Variants in FAM13A observed in about 807,000 individuals in gnomAD.
FAM13A encodes the protein protein FAM13A.
FAM13A carries 76 observed loss-of-function variants against 129.6 expected under a neutral mutation model. That is an observed-to-expected ratio of 0.59 (90% confidence interval 0.49 to 0.71). FAM13A has a LOEUF of 0.71. Ranked by LOEUF, FAM13A falls within the 30% of genes least tolerant of loss-of-function variation. The probability of loss-of-function intolerance (pLI) is 0.00; values close to 1 mark genes in which losing one functional copy is unlikely to be tolerated. For synonymous variants in FAM13A, 443 were observed against 449.9 expected (o/e 0.98, Z 0.20); for missense variants, 1,108 against 1,249.3 (o/e 0.89, Z 1.70).
At chr4:88,910,588 C>A (rs553682629) in intron 5 of FAM13A, among the ~76,000 whole-genome samples, 1 of 151,998 alleles carries the variant, frequency 6.6e-6, no homozygotes, top group African/African-American at 2.4e-5. Flanking sequence ...TCTCTATCCC[C>A]TACCCTATTT....
intron 7 of FAM13A, among the ~76,000 whole-genome samples, chr4:88,825,540 A>C (rs1425375184): frequency 6.6e-6 from 1 of 152,130 alleles, no homozygotes; most frequent in Non-Finnish European, 1.5e-5. Flanking sequence ...ATCTTATACA[A>C]ATATTTTCAG....
Position 89,044,618 on chromosome 4 carries a change from A to T in FAM13A, c.27+12320T>A, listed in dbSNP as rs570913123. On this transcript the variant is annotated intron_variant, in intron 1 of 23. Transcript: ENST00000264344. ...CAGGGACTCAAACAAACATTTGTTC[A>T]ACGATGTTCATAGCAGCATTATTCA... 6.7e-4 allele frequency among the ~76,000 whole-genome samples: 102 copies of T among 152,322 alleles called. 1 individual carries two copies. Among genetic ancestry groups the T allele is most frequent in the African/African-American group, 2.4e-3 (100 of 41,584 alleles).
rs1484928698 is a variant in FAM13A at position 88,842,390 on chromosome 4, G to C, written c.1007+8630C>G. On this transcript the variant is annotated intron_variant, in intron 7 of 23. Coordinates refer to ENST00000264344, the MANE Select transcript of FAM13A (RefSeq NM_014883.4). The stretch of plus-strand genomic sequence containing the variant: ...TGAAGAACCACAGAAGCGTAAACCA[G>C]GAAGGCAGGCTTAGCCAGATTTTTA... 2.0e-5 allele frequency among the ~76,000 whole-genome samples: 3 copies of C among 152,232 alleles called. No individual in the cohort carries two copies. In the East Asian group the frequency reaches 5.8e-4, roughly 29 times the overall value.
At chr4:89,007,666 C>A (rs1765230288) in intron 3 of FAM13A, among the ~76,000 whole-genome samples, 2 of 152,306 alleles carry the variant, frequency 1.3e-5, no homozygotes, top group East Asian at 3.9e-4. Flanking sequence ...TTAACAGATA[C>A]ACTAGGGCAC....
intron 10 of FAM13A, among the ~76,000 whole-genome samples, chr4:88,785,651 G>C (rs1723811765): frequency 6.6e-6 from 1 of 152,194 alleles, no homozygotes; most frequent in South Asian, 2.1e-4. Context: ...ACAGAACCCA[G>C]CATGAAGATA....
At chr4:88,979,957 A>C (rs1000297920) in intron 4 of FAM13A, among the ~76,000 whole-genome samples, 3 of 152,112 alleles carry the variant, frequency 2.0e-5, no homozygotes, top group Non-Finnish European at 4.4e-5. Flanking sequence ...GGTGACTCCA[A>C]CTCAAAAAAC....
rs138293930 is a variant in FAM13A at position 88,905,199 on chromosome 4, G to A, written c.843+1180C>T. ...AACGAGATGGAGTCTCATTCTTGTCGCAGCTCGCTGCGACCTCTGCTTCTG... is the reference window on the plus strand; with the variant it reads ...AACGAGATGGAGTCTCATTCTTGTCACAGCTCGCTGCGACCTCTGCTTCTG... On this transcript the variant is annotated intron_variant, in intron 6 of 23. Coordinates refer to ENST00000264344, the MANE Select transcript of FAM13A (RefSeq NM_014883.4). 3.2e-4 allele frequency among the ~76,000 whole-genome samples: 49 copies of A among 151,924 alleles called. No homozygotes were observed. The East Asian group carries it at 8.7e-3, about 27-fold the overall frequency.
chr4:88,794,519 A>G (rs1385224653), intron 8 of FAM13A, among the ~76,000 whole-genome samples: 1 of 151,956 alleles, frequency 6.6e-6, no homozygotes, highest in Non-Finnish European at 1.5e-5. Context: ...GATTTGAAAT[A>G]AAAAAGCATA....
chr4:88,814,084 C>T (rs565550152), intron 7 of FAM13A, among the ~76,000 whole-genome samples: 124 of 152,254 alleles, frequency 8.1e-4, no homozygotes, highest in African/African-American at 2.8e-3. Flanking sequence ...AAAGCGTTTA[C>T]GTGCATTATC....
chr4:88,844,163 T>G (rs1736277032), intron 7 of FAM13A, among the ~76,000 whole-genome samples: 1 of 152,172 alleles, frequency 6.6e-6, no homozygotes, highest in Non-Finnish European at 1.5e-5. Context: ...AGTACTAGCG[T>G]GGACACAAAA....
At chr4:88,804,252 AAAAT>A (rs1728115546) in intron 8 of FAM13A, among the ~76,000 whole-genome samples, 1 of 152,140 alleles carries the variant, frequency 6.6e-6, no homozygotes, top group Non-Finnish European at 1.5e-5. Context: ...GATTCCGTCA[AAAAT>A]AAATAAATAA....
chr4:88,862,204 T>C (rs1050385653), intron 6 of FAM13A, among the ~76,000 whole-genome samples: 9 of 152,214 alleles, frequency 5.9e-5, no homozygotes, highest in Non-Finnish European at 1.2e-4. Context: ...AGGAAAAACT[T>C]ACAGGTGTTA....
chr4:88,999,281 G>C (rs1763946026), intron 3 of FAM13A, among the ~76,000 whole-genome samples: 2 of 152,172 alleles, frequency 1.3e-5, no homozygotes, highest in African/African-American at 4.8e-5. Flanking sequence ...AGTCGGGACA[G>C]GTGGTGTACA....
At chr4:88,964,912 G>C (rs950046044) in intron 4 of FAM13A, among the ~76,000 whole-genome samples, 1 of 152,046 alleles carries the variant, frequency 6.6e-6, no homozygotes, top group Admixed American at 6.5e-5. Context: ...ACAGGCGTGA[G>C]ATACCGCGCC....
chr4:88,997,775 C>T (rs910592039), intron 3 of FAM13A, among the ~76,000 whole-genome samples: 5 of 152,098 alleles, frequency 3.3e-5, no homozygotes, highest in African/African-American at 1.2e-4. Context: ...CATGATATAT[C>T]TCAGAGCCAT....
intron 4 of FAM13A, among the ~76,000 whole-genome samples, chr4:88,982,599 C>T (rs767888650): frequency 1.3e-5 from 2 of 152,130 alleles, no homozygotes; most frequent in Admixed American, 6.5e-5. Context: ...TCCTTTTATA[C>T]GTCATGCTAT....
At chr4:88,989,201 CTG>C in intron 4 of FAM13A, among the ~76,000 whole-genome samples, 1 of 110,200 alleles carries the variant, frequency 9.1e-6, no homozygotes, top group Non-Finnish European at 1.9e-5. Flanking sequence ...GAGCCAGACT[CTG>C]TCTCAAAACA....
chr4:88,998,229 A>C (rs1763811203), intron 3 of FAM13A, among the ~76,000 whole-genome samples: 1 of 152,210 alleles, frequency 6.6e-6, no homozygotes, highest in South Asian at 2.1e-4. Flanking sequence ...TTTGCAATGC[A>C]TTAAGTCACT....
Position 88,737,456 on chromosome 4 carries a change from C to T in FAM13A, c.2646+16G>A, listed in dbSNP as rs1205223710. The T allele has an allele frequency of 1.9e-6, 3 of 1,610,358 alleles. No homozygotes were observed. The highest frequency in any genetic ancestry group is 2.5e-6 in the Non-Finnish European group (3 of 1,176,794). ...TGGTGCGGATTTAGCAATGGGTTAG[C>T]AGCTGGGGTCTTCACCTTTATCTCC... On this transcript the variant is annotated intron_variant, in intron 21 of 23. Transcript: ENST00000264344.
Sources: allele counts gnomAD v4.1 joint callset (sites outside exome capture counted in the v4.1 genomes callset), GRCh38; gene constraint gnomAD v4.1.1; transcripts MANE v1.5; gene names NCBI Gene and HGNC (gene_info 2026-07-23, HGNC 2026-07-21).